SV2C: variants seen among roughly 807,000 people sequenced by gnomAD.
SV2C encodes the protein synaptic vesicle glycoprotein 2C.
In SV2C, 49 loss-of-function variants were observed where a neutral mutation model predicts 79.7. The observed-to-expected ratio is 0.61, with a 90% CI of 0.49 to 0.78. SV2C has a LOEUF of 0.78. Ranked by LOEUF, SV2C falls within the 30% of genes least tolerant of loss-of-function variation. The probability of loss-of-function intolerance (pLI) is 0.00; values close to 1 mark genes in which losing one functional copy is unlikely to be tolerated. For missense variants in SV2C, 833 were observed against 912.9 expected (o/e 0.91, Z 1.13); for synonymous variants, 334 against 333.2 (o/e 1.00, Z -0.03).
chr5:76,018,849 T>C, the SV2C span, among the ~76,000 whole-genome samples: 1 of 152,190 alleles, frequency 6.6e-6, no homozygotes, highest in East Asian at 1.9e-4. Context: ...TCCCTGAAGA[T>C]TGGATTAAGC....
chr5:76,142,827 C>T (rs1749299821), intron 2 of SV2C, among the ~76,000 whole-genome samples: 1 of 151,932 alleles, frequency 6.6e-6, no homozygotes, highest in Non-Finnish European at 1.5e-5. Flanking sequence ...AACACAGGCC[C>T]AGGGAACAGT....
chr5:76,140,174 C>T (rs1239333641), intron 2 of SV2C, among the ~76,000 whole-genome samples: 1 of 152,108 alleles, frequency 6.6e-6, no homozygotes, highest in African/African-American at 2.4e-5. Context: ...TGAGCATCTA[C>T]TATGTGACAA....
chr5:76,036,743 G>A, the SV2C span, among the ~76,000 whole-genome samples: 1 of 152,072 alleles, frequency 6.6e-6, no homozygotes, highest in South Asian at 2.1e-4. Context: ...TCTTCTCGAG[G>A]AGTATCTTTG....
At chr5:76,275,578 A>T (rs1747002118) in intron 4 of SV2C, among the ~76,000 whole-genome samples, 2 of 152,110 alleles carry the variant, frequency 1.3e-5, no homozygotes, top group African/African-American at 4.8e-5. Context: ...GACAGAGCCC[A>T]GACAAGAACA....
intron 4 of SV2C, among the ~76,000 whole-genome samples, chr5:76,216,298 C>G (rs1744907440): frequency 6.6e-6 from 1 of 152,120 alleles, no homozygotes. Context: ...CCAATGCTGA[C>G]AAGACCTTAG....
chr5:75,855,461 AT>A, the SV2C span, among the ~76,000 whole-genome samples: 1,733 of 150,612 alleles, frequency 0.012, 31 homozygotes, highest in African/African-American at 0.037. Context: ...TTTGCAGATA[AT>A]TTTTTTTTTC....
chr5:76,149,599 T>C (rs17674046), intron 2 of SV2C, among the ~76,000 whole-genome samples: 62,826 of 151,916 alleles, frequency 0.41, 13,515 homozygotes, highest in Middle Eastern at 0.52. Flanking sequence ...AGTATTTGGC[T>C]TATTCACCAA....
At chr5:76,316,268 A>G (rs569077633) in intron 12 of SV2C, among the ~76,000 whole-genome samples, 2 of 152,320 alleles carry the variant, frequency 1.3e-5, no homozygotes, top group Admixed American at 6.5e-5. Flanking sequence ...TCCTTTGTAT[A>G]TGAAACCCAC....
At chr5:76,041,419 G>C in the SV2C span, among the ~76,000 whole-genome samples, 1 of 152,098 alleles carries the variant, frequency 6.6e-6, no homozygotes, top group Non-Finnish European at 1.5e-5. Context: ...CAGACAGCTA[G>C]AAAGCTACCC....
intron 4 of SV2C, among the ~76,000 whole-genome samples, chr5:76,236,911 C>G (rs1373923183): frequency 6.6e-6 from 1 of 152,166 alleles, no homozygotes; most frequent in Non-Finnish European, 1.5e-5. Flanking sequence ...GTAGTTTCCC[C>G]CATGCTGTTC....
intron 4 of SV2C, among the ~76,000 whole-genome samples, chr5:76,265,864 A>C (rs2937722): frequency 0.6 from 91,679 of 151,944 alleles, 28,011 homozygotes; most frequent in South Asian, 0.73. Context: ...TGCAGAAATC[A>C]CCCACCTTTT....
the SV2C span, among the ~76,000 whole-genome samples, chr5:75,985,613 G>T: frequency 2.2e-4 from 33 of 152,012 alleles, no homozygotes; most frequent in African/African-American, 8.0e-4. Flanking sequence ...CCTTGCTCTA[G>T]ATGGAAGTTA....
At chr5:76,322,409 A>G (rs778315610) in intron 12 of SV2C, among the ~76,000 whole-genome samples, 1 of 152,248 alleles carries the variant, frequency 6.6e-6, no homozygotes, top group African/African-American at 2.4e-5. Context: ...ATGGAAAAAC[A>G]TTCCATATTC....
chr5:76,270,678 A>G (rs1199480211), intron 4 of SV2C, among the ~76,000 whole-genome samples: 2 of 152,224 alleles, frequency 1.3e-5, no homozygotes, highest in African/African-American at 4.8e-5. Flanking sequence ...GTTGGGGCTC[A>G]AACGAGCAGA....
intron 12 of SV2C, among the ~76,000 whole-genome samples, chr5:76,348,498 A>C (rs1418813255): frequency 6.6e-6 from 1 of 152,226 alleles, no homozygotes; most frequent in Non-Finnish European, 1.5e-5. Flanking sequence ...TTTAGTTTGT[A>C]AGAAACCGCG....
At chr5:75,856,584 A>G in the SV2C span, among the ~76,000 whole-genome samples, 1 of 152,138 alleles carries the variant, frequency 6.6e-6, no homozygotes, top group South Asian at 2.1e-4. Flanking sequence ...TGCCATTTGT[A>G]TGTCTTCTTT....
At chr5:76,262,766 T>A (rs1170359591) in intron 4 of SV2C, among the ~76,000 whole-genome samples, 1 of 152,240 alleles carries the variant, frequency 6.6e-6, no homozygotes, top group Admixed American at 6.5e-5. Flanking sequence ...AATCCTGAGT[T>A]CTAATTTGAT....
the SV2C span, among the ~76,000 whole-genome samples, chr5:75,865,119 G>A: frequency 6.6e-6 from 1 of 152,174 alleles, no homozygotes; most frequent in Non-Finnish European, 1.5e-5. Flanking sequence ...ATGTTACTGG[G>A]CTCTTGTAGA....
the SV2C span, among the ~76,000 whole-genome samples, chr5:75,896,601 A>G: frequency 2.0e-5 from 3 of 151,898 alleles, no homozygotes; most frequent in African/African-American, 7.3e-5. Flanking sequence ...GCTGGATCAA[A>G]TGGTATTTCT....
Sources: allele counts gnomAD v4.1 joint callset (sites outside exome capture counted in the v4.1 genomes callset), GRCh38; gene constraint gnomAD v4.1.1; transcripts MANE v1.5; gene names NCBI Gene and HGNC (gene_info 2026-07-23, HGNC 2026-07-21).